The following FGF12 variants were observed in gnomAD, a reference collection of about 807,000 sequenced individuals.
FGF12 encodes the protein fibroblast growth factor 12.
Under a neutral mutation model 23.6 loss-of-function variants are expected in FGF12, and 14 were observed. That is an observed-to-expected ratio of 0.59 (90% CI 0.39 to 0.93). The LOEUF (loss-of-function observed/expected upper bound fraction) is 0.93, where lower values mean the gene tolerates loss of function less well. FGF12 is among the 40% of genes least tolerant of loss of function. The pLI is 0.00. For missense variants in FGF12, 175 were observed against 217.8 expected, an observed-to-expected ratio of 0.80 and a Z score of 1.24; for synonymous variants, 62 against 77.3, an observed-to-expected ratio of 0.80 and a Z score of 1.04.
intron 4 of FGF12, among the ~76,000 whole-genome samples, chr3:192,287,764 C>G (rs1368222384): frequency 5.9e-5 from 9 of 151,950 alleles, no homozygotes; most frequent in Admixed American, 5.9e-4. Flanking sequence ...CAAAGGTTGA[C>G]ACGGCATCTG....
intron 2 of FGF12, among the ~76,000 whole-genome samples, chr3:192,386,936 A>C (rs73193583): frequency 0.12 from 18,993 of 152,316 alleles, 1,491 homozygotes; most frequent in East Asian, 0.35. Flanking sequence ...AAAAGTGTCA[A>C]ACCTTCGATA....
intron 2 of FGF12, among the ~76,000 whole-genome samples, chr3:192,695,547 A>T (rs369065308): frequency 2.0e-5 from 3 of 152,218 alleles, no homozygotes; most frequent in African/African-American, 7.2e-5. Flanking sequence ...TTCACAGGAA[A>T]TGTCTTATGT....
chr3:192,634,487 C>A (rs1715508324), intron 2 of FGF12, among the ~76,000 whole-genome samples: 1 of 152,150 alleles, frequency 6.6e-6, no homozygotes, highest in African/African-American at 2.4e-5. Flanking sequence ...ACATAAAGGA[C>A]TTGCGCATCC....
chr3:192,496,563 T>G (rs952017463), intron 2 of FGF12, among the ~76,000 whole-genome samples: 14 of 152,192 alleles, frequency 9.2e-5, no homozygotes, highest in African/African-American at 3.1e-4. Flanking sequence ...CACATTCCCT[T>G]ACTTCTCCAC....
chr3:192,571,935 T>C (rs1712653238), intron 2 of FGF12, among the ~76,000 whole-genome samples: 1 of 130,338 alleles, frequency 7.7e-6, no homozygotes, highest in Non-Finnish European at 1.6e-5. Flanking sequence ...TCCTTAGCAC[T>C]ATTGCTGTTT....
At chr3:192,443,268 A>G (rs1722258272) in intron 2 of FGF12, among the ~76,000 whole-genome samples, 1 of 152,212 alleles carries the variant, frequency 6.6e-6, no homozygotes, top group South Asian at 2.1e-4. Flanking sequence ...ATTCAGAGAT[A>G]ACCTTAAGTG....
intron 2 of FGF12, among the ~76,000 whole-genome samples, chr3:192,571,463 C>T (rs1024777511): frequency 2.0e-5 from 3 of 152,234 alleles, no homozygotes; most frequent in East Asian, 1.9e-4. Context: ...CGACGGAGCG[C>T]GCGAGCAGCG....
chr3:192,167,465 A>G (rs1715232728), intron 5 of FGF12, among the ~76,000 whole-genome samples: 1 of 151,992 alleles, frequency 6.6e-6, no homozygotes, highest in African/African-American at 2.4e-5. Context: ...GAGAGGTAGT[A>G]AAAGCTGGAT....
At chr3:192,175,182 C>T (rs574320323) in intron 4 of FGF12, among the ~76,000 whole-genome samples, 160 of 152,258 alleles carry the variant, frequency 1.1e-3, no homozygotes, top group African/African-American at 3.7e-3. Context: ...TAATGTATAA[C>T]GGAAACAGGC....
chr3:192,240,381 C>T (rs897514540), intron 4 of FGF12, among the ~76,000 whole-genome samples: 1 of 152,124 alleles, frequency 6.6e-6, no homozygotes, highest in Non-Finnish European at 1.5e-5. Context: ...ATCAACTTTT[C>T]ACTGAATTTA....
chr3:192,298,183 TCAATC>T (rs1224701777), intron 4 of FGF12, among the ~76,000 whole-genome samples: 1 of 152,210 alleles, frequency 6.6e-6, no homozygotes, highest in African/African-American at 2.4e-5. Flanking sequence ...AACCAGTCAA[TCAATC>T]ATCATTTGTT....
intron 4 of FGF12, among the ~76,000 whole-genome samples, chr3:192,263,546 A>AG (rs1274384961): frequency 2.3e-4 from 35 of 150,138 alleles, no homozygotes; most frequent in Admixed American, 1.0e-3. Context: ...AAAAAAAAAG[A>AG]GGGAAAAAAA....
chr3:192,207,147 C>T (rs1464996037), intron 4 of FGF12, among the ~76,000 whole-genome samples: 1 of 152,148 alleles, frequency 6.6e-6, no homozygotes, highest in Non-Finnish European at 1.5e-5. Flanking sequence ...AATATCCATC[C>T]ATTCATCAGT....
At chr3:192,145,495 G>A (rs1324384711) in intron 5 of FGF12, among the ~76,000 whole-genome samples, 1 of 152,146 alleles carries the variant, frequency 6.6e-6, no homozygotes, top group African/African-American at 2.4e-5. Flanking sequence ...TTAAAATGCA[G>A]ATTATGAATC....
At chr3:192,191,701 T>G (rs1389402970) in intron 4 of FGF12, among the ~76,000 whole-genome samples, 2 of 152,072 alleles carry the variant, frequency 1.3e-5, no homozygotes, top group African/African-American at 4.8e-5. Context: ...CCGGGCATGG[T>G]GGCAGGCGCC....
intron 2 of FGF12, among the ~76,000 whole-genome samples, chr3:192,669,235 G>A (rs1577110816): frequency 6.6e-6 from 1 of 152,112 alleles, no homozygotes; most frequent in Non-Finnish European, 1.5e-5. Context: ...ATGTTATTAT[G>A]GCTAGGACTT....
At chr3:192,428,468 G>C (rs1429122530) in intron 2 of FGF12, among the ~76,000 whole-genome samples, 1 of 152,122 alleles carries the variant, frequency 6.6e-6, no homozygotes, top group East Asian at 1.9e-4. Flanking sequence ...ATAATTATGA[G>C]AAGGTTCCAT....
chr3:192,394,316 G>C (rs1720429678), intron 2 of FGF12, among the ~76,000 whole-genome samples: 1 of 152,154 alleles, frequency 6.6e-6, no homozygotes, highest in Non-Finnish European at 1.5e-5. Flanking sequence ...CAGTCAATTT[G>C]TGTCCAGTTG....
chr3:192,231,780 A>G (rs79852192), intron 4 of FGF12, among the ~76,000 whole-genome samples: 2 of 152,088 alleles, frequency 1.3e-5, no homozygotes, highest in Non-Finnish European at 2.9e-5. Context: ...CAAAAAAAAA[A>G]GTAATTGCAG....
Sources: allele counts gnomAD v4.1 joint callset (sites outside exome capture counted in the v4.1 genomes callset), GRCh38; gene constraint gnomAD v4.1.1; transcripts MANE v1.5; gene names NCBI Gene and HGNC (gene_info 2026-07-23, HGNC 2026-07-21).